PITPNC1: variants seen among roughly 807,000 people sequenced by gnomAD.
PITPNC1 encodes cytoplasmic phosphatidylinositol transfer protein 1.
PITPNC1 carries 18 observed loss-of-function variants against 44.7 expected under a neutral mutation model. The ratio of observed to expected loss-of-function variants is 0.40; its 90% CI spans 0.28 to 0.60. PITPNC1 has a LOEUF of 0.60. Ranked by LOEUF, PITPNC1 falls within the 20% of genes least tolerant of loss-of-function variation. PITPNC1 has a pLI of 0.39. For synonymous variants in PITPNC1, 141 were observed against 149.6 expected (o/e 0.94, Z 0.42); for missense variants, 290 against 418.4 (o/e 0.69, Z 2.68).
At chr17:67,650,592 G>A (rs1229962947) in intron 6 of PITPNC1, among the ~76,000 whole-genome samples, 2 of 151,942 alleles carry the variant, frequency 1.3e-5, no homozygotes, top group Non-Finnish European at 2.9e-5. Flanking sequence ...GGGACTACAG[G>A]CATGCGCCAC....
chr17:67,473,572 G>C (rs971920664), intron 1 of PITPNC1, among the ~76,000 whole-genome samples: 1 of 152,048 alleles, frequency 6.6e-6, no homozygotes, highest in Non-Finnish European at 1.5e-5. Context: ...CAAAGTGCTG[G>C]GATTACAGGT....
At chr17:67,637,148 C>T (rs903919179) in intron 6 of PITPNC1, among the ~76,000 whole-genome samples, 1 of 152,264 alleles carries the variant, frequency 6.6e-6, no homozygotes, top group Admixed American at 6.5e-5. Flanking sequence ...TTAGCAGGCG[C>T]TCACTCAATG....
intron 1 of PITPNC1, among the ~76,000 whole-genome samples, chr17:67,483,691 G>T (rs185336461): frequency 6.6e-6 from 1 of 152,288 alleles, no homozygotes; most frequent in Admixed American, 6.5e-5. Flanking sequence ...TGAGAGCAGT[G>T]TGGGAAGCTT....
intron 1 of PITPNC1, among the ~76,000 whole-genome samples, chr17:67,463,282 G>A (rs1361908095): frequency 1.3e-5 from 2 of 152,222 alleles, no homozygotes; most frequent in East Asian, 3.9e-4. Flanking sequence ...TGGGTAGGGG[G>A]GATTGAAAGC....
intron 1 of PITPNC1, among the ~76,000 whole-genome samples, chr17:67,444,419 G>C (rs1362585902): frequency 6.6e-6 from 1 of 152,048 alleles, no homozygotes; most frequent in Non-Finnish European, 1.5e-5. Context: ...TCTGGAGTGG[G>C]GACTGGGTGG....
intron 5 of PITPNC1, among the ~76,000 whole-genome samples, chr17:67,583,302 C>G (rs187945917): frequency 9.9e-5 from 15 of 152,170 alleles, no homozygotes; most frequent in Admixed American, 2.6e-4. Context: ...ATTAAAATCA[C>G]CTGGGCCAGG....
intron 2 of PITPNC1, among the ~76,000 whole-genome samples, chr17:67,550,483 G>C (rs1190803237): frequency 7.7e-6 from 1 of 129,308 alleles, no homozygotes; most frequent in African/African-American, 2.5e-5. Flanking sequence ...GGCTCTGATT[G>C]TCATTTAGAT....
intron 1 of PITPNC1, among the ~76,000 whole-genome samples, chr17:67,458,580 A>G (rs1237128696): frequency 1.3e-5 from 2 of 151,760 alleles, no homozygotes; most frequent in African/African-American, 4.8e-5. Context: ...TTAGTTTCTC[A>G]TTTTTTGTCT....
At chr17:67,688,337 T>TAAAAAAAAAAAAAAAAAAAAAA (rs2042856531) in intron 8 of PITPNC1, among the ~76,000 whole-genome samples, 1 of 10,254 alleles carries the variant, frequency 9.8e-5, no homozygotes, top group Non-Finnish European at 1.8e-4. Context: ...AAATTCTGTC[T>TAAAAAAAAAAAAAAAAAAAAAA]CAAAAAAAAA....
intron 1 of PITPNC1, among the ~76,000 whole-genome samples, chr17:67,490,803 G>A (rs2144044519): frequency 6.6e-6 from 1 of 152,258 alleles, no homozygotes; most frequent in East Asian, 1.9e-4. Context: ...GAACGTCAGC[G>A]CCTCTGTCCC....
At chr17:67,468,841 G>C (rs771860513) in intron 1 of PITPNC1, among the ~76,000 whole-genome samples, 9 of 151,978 alleles carry the variant, frequency 5.9e-5, no homozygotes, top group Non-Finnish European at 1.2e-4. Flanking sequence ...CGATTCTCCT[G>C]CCTCAGCCTC....
chr17:67,452,912 T>G (rs2039203561), intron 1 of PITPNC1, among the ~76,000 whole-genome samples: 1 of 152,250 alleles, frequency 6.6e-6, no homozygotes, highest in Non-Finnish European at 1.5e-5. Flanking sequence ...CACATCCTTG[T>G]CAGTACTTGG....
intron 5 of PITPNC1, among the ~76,000 whole-genome samples, chr17:67,608,908 G>A (rs559158738): frequency 6.6e-6 from 1 of 152,180 alleles, no homozygotes; most frequent in South Asian, 2.1e-4. Flanking sequence ...CTCATGATTA[G>A]ATTCAGACTG....
In PITPNC1 at chr17:67,521,587, T is replaced by G. The variant is rs190031494; in HGVS notation, c.49-11215T>G. Among the ~76,000 whole-genome samples the G allele has an allele frequency of 1.8e-3, 269 of 152,298 alleles. 1 individual carries two copies. Among genetic ancestry groups the G allele is most frequent in the African/African-American group, 5.9e-3 (244 of 41,552 alleles). ...CACCTTTTTTTTTTGTTATTATTTT[T>G]TAACCTTCCTGTCTACATGGAGAAA... On this transcript the variant is annotated intron_variant, in intron 1 of 8. Coordinates refer to ENST00000581322, the MANE Select transcript of PITPNC1 (RefSeq NM_012417.4).
intron 6 of PITPNC1, among the ~76,000 whole-genome samples, chr17:67,647,328 TTGCCCAGGCTGGAG>T (rs1441521495): frequency 6.6e-6 from 1 of 152,160 alleles, no homozygotes; most frequent in East Asian, 1.9e-4. Flanking sequence ...TCTCACTTTG[TTGCCCAGGCTGGAG>T]TGCAGTGGCA....
intron 5 of PITPNC1, among the ~76,000 whole-genome samples, chr17:67,608,489 AG>A (rs1179382904): frequency 0.013 from 1,788 of 134,698 alleles, 7 homozygotes; most frequent in Middle Eastern, 0.098. Flanking sequence ...GCTGTTTCTC[AG>A]CTTTTTTTTT....
chr17:67,469,215 ACTGT>A (rs1228955165), intron 1 of PITPNC1, among the ~76,000 whole-genome samples: 2 of 152,058 alleles, frequency 1.3e-5, no homozygotes, highest in African/African-American at 4.8e-5. Flanking sequence ...TGGCTCAGAA[ACTGT>A]CTGGGTTCCT....
chr17:67,514,987 G>T (rs937327961), intron 1 of PITPNC1, among the ~76,000 whole-genome samples: 1 of 152,142 alleles, frequency 6.6e-6, no homozygotes, highest in Non-Finnish European at 1.5e-5. Context: ...GCCCCACGTT[G>T]CCTTTATTAA....
intron 2 of PITPNC1, among the ~76,000 whole-genome samples, chr17:67,543,659 G>A (rs1187397125): frequency 2.6e-5 from 4 of 152,096 alleles, no homozygotes; most frequent in African/African-American, 9.7e-5. Context: ...TGGGTCCAAT[G>A]TCCGTTGAAA....
Sources: allele counts gnomAD v4.1 joint callset (sites outside exome capture counted in the v4.1 genomes callset), GRCh38; gene constraint gnomAD v4.1.1; transcripts MANE v1.5; gene names NCBI Gene and HGNC (gene_info 2026-07-23, HGNC 2026-07-21).